PHF24: variants seen among roughly 807,000 people sequenced by gnomAD.
The protein encoded by PHF24 is Galpha inhibitory interacting protein.
A neutral mutation model predicts 42.6 loss-of-function variants in PHF24; 25 were observed. That is an observed-to-expected ratio of 0.59 (90% CI 0.43 to 0.82). The LOEUF is 0.82. Among genes scored for constraint, PHF24 ranks in the 40% least tolerant of loss-of-function variants. PHF24 has a pLI of 0.00. For missense variants in PHF24, 470 were observed against 538.1 expected (o/e 0.87, Z 1.25); for synonymous variants, 185 against 204.8 (o/e 0.90, Z 0.83).
At chr9:34,865,661 T>C in the PHF24 span, among the ~76,000 whole-genome samples, 1 of 152,114 alleles carries the variant, frequency 6.6e-6, no homozygotes, top group African/African-American at 2.4e-5. Context: ...ACACAAAAAG[T>C]AAAATGCATA....
chr9:34,832,820 A>G, the PHF24 span: 1 of 1,551,652 alleles, frequency 6.4e-7, no homozygotes, highest in Non-Finnish European at 8.7e-7. Context: ...CTGGGGCACC[A>G]CAGTCTGGGT....
the PHF24 span, among the ~76,000 whole-genome samples, chr9:34,811,331 G>A: frequency 2.6e-5 from 4 of 152,288 alleles, no homozygotes; most frequent in South Asian, 8.3e-4. Context: ...CAATGCAACC[G>A]TGTTGAGAGG....
At chr9:34,723,472 T>C in the PHF24 span, 8 of 1,551,712 alleles carry the variant, frequency 5.2e-6, no homozygotes, top group African/African-American at 1.1e-4. Context: ...GGCTCTTGGC[T>C]GGAGCCAGGC....
chr9:34,912,582 C>T, the PHF24 span, among the ~76,000 whole-genome samples: 7 of 152,082 alleles, frequency 4.6e-5, no homozygotes, highest in African/African-American at 1.4e-4. Flanking sequence ...CACCTATGTC[C>T]CAGACTAACC....
chr9:34,787,578 TG>T, the PHF24 span, among the ~76,000 whole-genome samples: 1 of 152,218 alleles, frequency 6.6e-6, no homozygotes, highest in East Asian at 1.9e-4. Flanking sequence ...TAAGTCTTTA[TG>T]TTATGAAGGT....
chr9:34,883,002 G>A, the PHF24 span, among the ~76,000 whole-genome samples: 4 of 152,206 alleles, frequency 2.6e-5, no homozygotes, highest in Admixed American at 2.0e-4. Context: ...CATGATACTG[G>A]TACCAAAACA....
chr9:34,934,020 A>G, the PHF24 span, among the ~76,000 whole-genome samples: 1 of 152,044 alleles, frequency 6.6e-6, no homozygotes, highest in Middle Eastern at 3.2e-3. Flanking sequence ...TACTGTTATT[A>G]GGTCCTTCCA....
At chr9:34,971,697 G>A (rs1826995854) in intron 2 of PHF24, 21 bp downstream of exon 2, 2 of 1,581,006 alleles carry the variant, frequency 1.3e-6, no homozygotes, top group Non-Finnish European at 8.6e-7. Context: ...AGTTAGGACA[G>A]GATCCTCAAG....
the PHF24 span, among the ~76,000 whole-genome samples, chr9:34,946,554 G>A: frequency 2.6e-5 from 4 of 152,178 alleles, no homozygotes; most frequent in Non-Finnish European, 5.9e-5. Flanking sequence ...ATTATAGATC[G>A]AGATTTCTAG....
At chr9:34,728,722 C>T in the PHF24 span, 30 of 1,370,776 alleles carry the variant, frequency 2.2e-5, no homozygotes, top group Non-Finnish European at 3.1e-5. Flanking sequence ...CAAAATGAGA[C>T]AAAACTTACA....
At chr9:34,861,126 T>G in the PHF24 span, among the ~76,000 whole-genome samples, 1 of 152,208 alleles carries the variant, frequency 6.6e-6, no homozygotes, top group Non-Finnish European at 1.5e-5. Context: ...AAATGCATAG[T>G]GTGCCTATTA....
the PHF24 span, among the ~76,000 whole-genome samples, chr9:34,771,387 C>T: frequency 1.3e-5 from 2 of 152,150 alleles, no homozygotes; most frequent in African/African-American, 4.8e-5. Context: ...TATGCCTGAA[C>T]ATAGAAAAGG....
chr9:34,701,742 C>T, the PHF24 span, among the ~76,000 whole-genome samples: 1 of 151,992 alleles, frequency 6.6e-6, no homozygotes, highest in African/African-American at 2.4e-5. This position sits in a 1 kb window ranked among gnomAD's most constrained non-coding sequence, Gnocchi z 5.8. Context: ...CACCGCCGTC[C>T]GGCCAAACCC....
the PHF24 span, among the ~76,000 whole-genome samples, chr9:34,933,766 A>G: frequency 6.6e-6 from 1 of 150,646 alleles, no homozygotes; most frequent in Non-Finnish European, 1.5e-5. Flanking sequence ...GAGGCAACTG[A>G]AGTTAGAGTT....
chr9:34,737,021 A>G, the PHF24 span, among the ~76,000 whole-genome samples: 76,665 of 152,062 alleles, frequency 0.5, 19,459 homozygotes, highest in East Asian at 0.61. Context: ...AACTGAACCC[A>G]TATTTTAAAA....
the PHF24 span, among the ~76,000 whole-genome samples, chr9:34,687,025 A>G: frequency 6.6e-6 from 1 of 151,850 alleles, no homozygotes; most frequent in African/African-American, 2.4e-5. Context: ...ATAAGGGGGT[A>G]AGACCCAGTG....
intron 1 of PHF24, among the ~76,000 whole-genome samples, chr9:34,970,146 C>G (rs757294706): frequency 1.3e-5 from 2 of 152,172 alleles, no homozygotes; most frequent in Admixed American, 6.5e-5. Flanking sequence ...CTCCACTTTA[C>G]TTAGAAAAAG....
the PHF24 span, among the ~76,000 whole-genome samples, chr9:34,909,992 T>G: frequency 6.6e-6 from 1 of 152,240 alleles, no homozygotes; most frequent in Non-Finnish European, 1.5e-5. Context: ...TTTTGTTTCA[T>G]GTAGAAGACA....
the PHF24 span, among the ~76,000 whole-genome samples, chr9:34,715,005 T>A: frequency 6.6e-6 from 1 of 152,082 alleles, no homozygotes; most frequent in Admixed American, 6.6e-5. Flanking sequence ...GCCTGTGAAC[T>A]TGAGCCTGCA....
Sources: allele counts gnomAD v4.1 joint callset (sites outside exome capture counted in the v4.1 genomes callset), GRCh38; gene constraint gnomAD v4.1.1; non-coding constraint Gnocchi (gnomAD v3.1); transcripts MANE v1.5; gene names NCBI Gene and HGNC (gene_info 2026-07-23, HGNC 2026-07-21).